VSNL1: variants seen among roughly 807,000 people sequenced by gnomAD.
VSNL1 encodes the protein visinin like 1.
Under a neutral mutation model 20.4 loss-of-function variants are expected in VSNL1, and 6 were observed. That is an observed-to-expected ratio of 0.29 (90% CI 0.16 to 0.58). VSNL1 has a LOEUF of 0.58. VSNL1 is among the 20% of genes least tolerant of loss of function. The pLI, the probability that VSNL1 is intolerant of heterozygous loss-of-function variation, is 0.90. For missense variants in VSNL1, 100 were observed against 234.5 expected, an observed-to-expected ratio of 0.43 and a Z score of 3.75; for synonymous variants, 93 against 86.4, an observed-to-expected ratio of 1.08 and a Z score of -0.42.
intron 1 of VSNL1, among the ~76,000 whole-genome samples, chr2:17,589,673 G>A (rs147359967): frequency 5.9e-5 from 9 of 152,320 alleles, no homozygotes; most frequent in Non-Finnish European, 8.8e-5. Context: ...TCCTGTGTGT[G>A]TAAGAGACCA....
intron 1 of VSNL1, among the ~76,000 whole-genome samples, chr2:17,568,031 T>C (rs1309274781): frequency 3.3e-5 from 5 of 152,178 alleles, no homozygotes; most frequent in Admixed American, 6.5e-5. Flanking sequence ...AAATGGCATA[T>C]AGCTGGATTT....
intron 2 of VSNL1, among the ~76,000 whole-genome samples, chr2:17,618,882 CAT>C (rs1159301180): frequency 1.3e-5 from 2 of 152,160 alleles, no homozygotes; most frequent in Non-Finnish European, 2.9e-5. Context: ...TGGCTCCAGG[CAT>C]ATGTTTTTTC....
At chr2:17,614,965 C>T (rs772533134) in intron 2 of VSNL1, among the ~76,000 whole-genome samples, 4 of 152,196 alleles carry the variant, frequency 2.6e-5, no homozygotes, top group Non-Finnish European at 4.4e-5. Flanking sequence ...TGTTTCCCTC[C>T]GCTTCTTTCC....
At chr2:17,618,913 TC>T (rs1558302287) in intron 2 of VSNL1, among the ~76,000 whole-genome samples, 1 of 152,062 alleles carries the variant, frequency 6.6e-6, no homozygotes, top group African/African-American at 2.4e-5. Context: ...ACCAGAAAAT[TC>T]CCCCAGCACT....
intron 2 of VSNL1, among the ~76,000 whole-genome samples, chr2:17,636,448 G>A (rs770242252): frequency 6.6e-6 from 1 of 152,322 alleles, no homozygotes; most frequent in East Asian, 1.9e-4. Context: ...TATGGCAACA[G>A]CTCATACACG....
chr2:17,636,194 G>A (rs572204859), intron 2 of VSNL1, among the ~76,000 whole-genome samples: 1 of 152,010 alleles, frequency 6.6e-6, no homozygotes, highest in South Asian at 2.1e-4. Flanking sequence ...ATGTCATCAA[G>A]GTACAAAGGC....
chr2:17,558,028 A>G (rs949170114), intron 1 of VSNL1, among the ~76,000 whole-genome samples: 1 of 152,128 alleles, frequency 6.6e-6, no homozygotes, highest in African/African-American at 2.4e-5. Flanking sequence ...CTTTCCTAGG[A>G]TGAGGATTGG....
At chr2:17,556,337 A>G (rs1392393549) in intron 1 of VSNL1, among the ~76,000 whole-genome samples, 1 of 152,198 alleles carries the variant, frequency 6.6e-6, no homozygotes, top group Non-Finnish European at 1.5e-5. Flanking sequence ...AATCTAATAA[A>G]AGGAAGTAAA....
chr2:17,619,888 C>A (rs11686910), intron 2 of VSNL1, among the ~76,000 whole-genome samples: 14 of 151,728 alleles, frequency 9.2e-5, no homozygotes, highest in South Asian at 8.3e-4. Flanking sequence ...CAATCCCCCC[C>A]CAAAAGGCCC....
chr2:17,608,333 C>T (rs1358854976), intron 2 of VSNL1, among the ~76,000 whole-genome samples: 1 of 152,178 alleles, frequency 6.6e-6, no homozygotes, highest in Non-Finnish European at 1.5e-5. Context: ...GACATGTCTA[C>T]CAGGAGCACG....
chr2:17,573,084 G>T (rs1259274797), intron 1 of VSNL1, among the ~76,000 whole-genome samples: 4 of 152,196 alleles, frequency 2.6e-5, no homozygotes, highest in Non-Finnish European at 4.4e-5. Context: ...ATATCTTTAA[G>T]AAATTTCTTT....
rs766786557 is a variant in VSNL1, at chr2:17,592,146, G to T, written c.72G>T (p.Glu24Asp). Residue 24 changes from glutamate (E) to aspartate (D), a missense_variant, in exon 2 of 4, where the codon GAG becomes GAT. Transcript: ENST00000295156. Reference sequence around the variant, plus strand: ...TGGTGAAGAGCACAGAGTTTAATGAGCATGAACTCAAGCAGTGGTACAAAG... The same window carrying T: ...TGGTGAAGAGCACAGAGTTTAATGATCATGAACTCAAGCAGTGGTACAAAG... ...EDLVKSTEFNEHELKQWYKGF... is the reference protein window; with the variant it reads ...EDLVKSTEFNDHELKQWYKGF... 1.2e-6 allele frequency: 2 copies of T among 1,613,932 alleles called. No homozygotes were observed. Among genetic ancestry groups the T allele is most frequent in the Non-Finnish European group, 1.7e-6 (2 of 1,179,848 alleles).
intron 2 of VSNL1, among the ~76,000 whole-genome samples, chr2:17,622,740 C>G (rs992774775): frequency 6.6e-6 from 1 of 152,100 alleles, no homozygotes; most frequent in African/African-American, 2.4e-5. Flanking sequence ...ATGGAATTCA[C>G]TGGGTGAAAA....
chr2:17,549,569 T>A (rs916873508), intron 1 of VSNL1, among the ~76,000 whole-genome samples: 22 of 152,154 alleles, frequency 1.4e-4, no homozygotes, highest in Non-Finnish European at 3.1e-4. Context: ...AAGTGCATAA[T>A]TGAAAGGGAG....
chr2:17,587,348 AACACACACACACACACACACACACACAC>A (rs67537461), intron 1 of VSNL1, among the ~76,000 whole-genome samples: 1 of 134,574 alleles, frequency 7.4e-6, no homozygotes, highest in Admixed American at 7.3e-5. Flanking sequence ...GGCTGAGGGC[AACACACACACACACACACACACACACAC>A]ACACACACAC....
intron 2 of VSNL1, among the ~76,000 whole-genome samples, chr2:17,631,793 T>C (rs1665636143): frequency 6.6e-6 from 1 of 152,258 alleles, no homozygotes; most frequent in African/African-American, 2.4e-5. Context: ...TCTAGAGTTA[T>C]AAATATACAT....
chr2:17,606,548 C>G (rs1177245114), intron 2 of VSNL1, among the ~76,000 whole-genome samples: 1 of 152,146 alleles, frequency 6.6e-6, no homozygotes, highest in African/African-American at 2.4e-5. Context: ...CAGAAGAAAA[C>G]CAAGGTGGGC....
At chr2:17,640,133 C>T (rs1436512208) in intron 2 of VSNL1, among the ~76,000 whole-genome samples, 1 of 151,928 alleles carries the variant, frequency 6.6e-6, no homozygotes, top group Admixed American at 6.6e-5. Context: ...GCCTGTAATC[C>T]CAGCTACTCA....
chr2:17,617,122 C>T (rs950290186), intron 2 of VSNL1, among the ~76,000 whole-genome samples: 1 of 152,188 alleles, frequency 6.6e-6, no homozygotes, highest in African/African-American at 2.4e-5. Context: ...GAGGCTCTTA[C>T]AGGTCATTCT....
Sources: gnomAD v4.1 joint callset for allele counts (sites outside exome capture counted in the v4.1 genomes callset) on GRCh38, gnomAD v4.1.1 for gene constraint, MANE v1.5 for transcripts, NCBI Gene and HGNC (gene_info 2026-07-23, HGNC 2026-07-21) for gene names.